The following CACNA1C variants were observed in gnomAD, a reference collection of about 807,000 sequenced individuals.
CACNA1C encodes calcium voltage-gated channel subunit alpha1 C, also known as voltage-dependent L-type calcium channel subunit alpha-1C.
CACNA1C carries 30 observed loss-of-function variants against 229.0 expected under a neutral mutation model. The ratio of observed to expected loss-of-function variants is 0.13; its 90% CI spans 0.10 to 0.18. CACNA1C has a LOEUF of 0.18. Among genes scored for constraint, CACNA1C ranks in the 10% least tolerant of loss-of-function variants. The pLI is 1.00. For synonymous variants in CACNA1C, 1,114 were observed against 1,132.5 expected, an observed-to-expected ratio of 0.98 and a Z score of 0.33; for missense variants, 1,658 against 2,845.0, an observed-to-expected ratio of 0.58 and a Z score of 9.49.
In CACNA1C at chr12:2,617,073, A is replaced by C. The variant is rs1165550981; in HGVS notation, c.3828+5060A>C. The stretch of plus-strand genomic sequence containing the variant: ...TTATCTTTCAGGAAAGAGGAAATGA[A>C]GGCAGTGAAGCCTTGGCCTTGTCTG... On this transcript the variant is annotated intron_variant, in intron 29 of 46. Coordinates refer to ENST00000399655, the MANE Select transcript of CACNA1C (RefSeq NM_000719.7). Among the ~76,000 whole-genome samples, 5 of 152,250 alleles carry C rather than the reference A, an allele frequency of 3.3e-5. 1 individual carries two copies. Among genetic ancestry groups the C allele is most frequent in the Non-Finnish European group, 7.3e-5 (5 of 68,042 alleles).
intron 3 of CACNA1C, among the ~76,000 whole-genome samples, chr12:2,226,132 C>A (rs1271618358): frequency 0.018 from 536 of 30,580 alleles, 11 homozygotes; most frequent in South Asian, 0.13. Flanking sequence ...CGCGCACACA[C>A]ACACACACAC....
chr12:2,199,824 G>T, intron 3 of CACNA1C, among the ~76,000 whole-genome samples: 1 of 152,146 alleles, frequency 6.6e-6, no homozygotes, highest in South Asian at 2.1e-4. Flanking sequence ...GAAGGCTGCC[G>T]TGAGGCAGGA....
At chr12:2,057,243 C>T (rs941613896) in intron 1 of CACNA1C, among the ~76,000 whole-genome samples, 7 of 152,226 alleles carry the variant, frequency 4.6e-5, no homozygotes, top group Non-Finnish European at 1.0e-4. Context: ...TTTCGAGGCC[C>T]TGCTCATCTT....
intron 1 of CACNA1C, among the ~76,000 whole-genome samples, chr12:2,023,153 A>C (rs771430539): frequency 4.6e-5 from 7 of 152,190 alleles, no homozygotes; most frequent in Non-Finnish European, 1.0e-4. Flanking sequence ...TCAAGCTGAC[A>C]AATAGAACAC....
chr12:2,361,946 G>A (rs1004532741), intron 3 of CACNA1C, among the ~76,000 whole-genome samples: 11 of 152,188 alleles, frequency 7.2e-5, no homozygotes, highest in Admixed American at 2.0e-4. Flanking sequence ...GCCTGAGACC[G>A]ACTGTGATCT....
rs2067971404 is a variant in CACNA1C, at chr12:2,595,973, C to T, written c.2763C>T (p.Asp921=). ...LLSSISLAAE[D]PVQHTSFRNH... ...GCAGCATTTCCCTGGCTGCTGAGGA[C>T]CCGGTCCAGCACACCTCCTTCAGGA... The change falls in exon 20 of 47, where the codon GAC becomes GAT. Residue 921 remains aspartate (D), a synonymous_variant. Transcript: ENST00000399655. This position sits in a 1 kb window ranked among gnomAD's most constrained non-coding sequence, Gnocchi z 4.1. 1.9e-6 allele frequency: 3 copies of T among 1,613,386 alleles called. No individual in the cohort carries two copies. Among genetic ancestry groups the T allele is most frequent in the Non-Finnish European group, 2.5e-6 (3 of 1,179,638 alleles).
rs1410532582 is a variant in CACNA1C, at chr12:2,633,396, T to C, written c.3829-901T>C. On this transcript the variant is annotated intron_variant, in intron 29 of 46. Coordinates refer to ENST00000399655, the MANE Select transcript of CACNA1C (RefSeq NM_000719.7). This position sits in a 1 kb window ranked among gnomAD's most constrained non-coding sequence, Gnocchi z 5.8. ...GGAGAAGGGGTAGGGTGGGTGGATCTGTAGGATGGGGGCCACGTGACCGAG... is the reference window on the plus strand; with the variant it reads ...GGAGAAGGGGTAGGGTGGGTGGATCCGTAGGATGGGGGCCACGTGACCGAG... 1.3e-5 allele frequency among the ~76,000 whole-genome samples: 2 copies of C among 152,154 alleles called. No individual in the cohort carries two copies. The highest frequency in any genetic ancestry group is 2.9e-5 in the Non-Finnish European group (2 of 68,014).
At chr12:2,490,803 C>T (rs1255541412) in intron 6 of CACNA1C, among the ~76,000 whole-genome samples, 2 of 152,172 alleles carry the variant, frequency 1.3e-5, no homozygotes, top group Non-Finnish European at 2.9e-5. Flanking sequence ...TGGAGCCCTC[C>T]TGGGAGCTGG....
intron 18 of CACNA1C, among the ~76,000 whole-genome samples, chr12:2,588,150 C>T (rs772250846): frequency 6.6e-6 from 1 of 152,214 alleles, no homozygotes; most frequent in Admixed American, 6.5e-5. Flanking sequence ...CCGAAGATCA[C>T]GTGGCCTGTT....
intron 22 of CACNA1C, among the ~76,000 whole-genome samples, chr12:2,604,237 G>T (rs896696580): frequency 5.3e-5 from 8 of 152,198 alleles, no homozygotes; most frequent in African/African-American, 1.9e-4. Flanking sequence ...GGATTCTAGT[G>T]TCTATGGCTA....
intron 3 of CACNA1C, among the ~76,000 whole-genome samples, chr12:2,335,066 A>G (rs1390423373): frequency 2.0e-5 from 3 of 152,164 alleles, no homozygotes; most frequent in East Asian, 3.9e-4. Context: ...CATGAGCCTC[A>G]ACCCTATTCT....
chr12:2,313,913 G>A (rs546969615), intron 3 of CACNA1C, among the ~76,000 whole-genome samples: 9 of 152,318 alleles, frequency 5.9e-5, no homozygotes, highest in African/African-American at 2.2e-4. Flanking sequence ...TACCAGCAAA[G>A]CAGCTCCATC....
At chr12:2,550,478 G>A (rs1164759475) in intron 10 of CACNA1C, 4 of 1,271,532 alleles carry the variant, frequency 3.1e-6, no homozygotes, top group Non-Finnish European at 3.1e-6. Context: ...AAGCAGCCAG[G>A]TGAGAAGATG....
At chr12:2,382,731 T>C (rs1480816698) in intron 3 of CACNA1C, among the ~76,000 whole-genome samples, 3 of 152,156 alleles carry the variant, frequency 2.0e-5, no homozygotes, top group Non-Finnish European at 4.4e-5. Flanking sequence ...CAGAATGTAT[T>C]TTGCCCTGGG....
At chr12:2,606,261 T>C (rs2075290709) in intron 24 of CACNA1C, among the ~76,000 whole-genome samples, 2 of 152,092 alleles carry the variant, frequency 1.3e-5, no homozygotes, top group South Asian at 4.1e-4. Context: ...TTAGTTCTGC[T>C]ATTCTCCCAC....
intron 1 of CACNA1C, among the ~76,000 whole-genome samples, chr12:2,100,328 C>T (rs2075807928): frequency 6.6e-6 from 1 of 151,568 alleles, no homozygotes. Context: ...TGCCTGTAAT[C>T]CCAGCTACTT....
intron 18 of CACNA1C, among the ~76,000 whole-genome samples, chr12:2,590,694 C>T (rs2064872341): frequency 6.6e-6 from 1 of 152,090 alleles, no homozygotes. Flanking sequence ...GGGGGGAGCT[C>T]GTGCAGATGT....
At chr12:2,189,127 C>T (rs2097137429) in intron 3 of CACNA1C, among the ~76,000 whole-genome samples, 1 of 150,272 alleles carries the variant, frequency 6.7e-6, no homozygotes, top group East Asian at 2.0e-4. Flanking sequence ...AAGACACATT[C>T]CCAACGTGAA....
chr12:2,166,505 G>T (rs1229268954), intron 3 of CACNA1C, among the ~76,000 whole-genome samples: 1 of 152,190 alleles, frequency 6.6e-6, no homozygotes, highest in African/African-American at 2.4e-5. Context: ...CAGCAATGAG[G>T]AACAATGGGC....
Sources: gnomAD v4.1 joint callset for allele counts (sites outside exome capture counted in the v4.1 genomes callset) on GRCh38, gnomAD v4.1.1 for gene constraint, Gnocchi (gnomAD v3.1) non-coding constraint, MANE v1.5 for transcripts, NCBI Gene and HGNC (gene_info 2026-07-23, HGNC 2026-07-21) for gene names.